The following LUC7L2 variants were observed in gnomAD, a reference collection of about 807,000 sequenced individuals.
LUC7L2 encodes the protein LUC7 like 2, pre-mRNA splicing factor.
LUC7L2 carries 25 observed loss-of-function variants against 52.8 expected under a neutral mutation model. The observed-to-expected ratio is 0.47, with a 90% CI of 0.34 to 0.66. The LOEUF (loss-of-function observed/expected upper bound fraction) is 0.66, where lower values mean the gene tolerates loss of function less well. Ranked by LOEUF, LUC7L2 falls within the 30% of genes least tolerant of loss-of-function variation. The pLI is 0.01. For synonymous variants in LUC7L2, 144 were observed against 160.9 expected, an observed-to-expected ratio of 0.89 and a Z score of 0.80; for missense variants, 328 against 497.8, an observed-to-expected ratio of 0.66 and a Z score of 3.25.
intron 1 of LUC7L2, chr7:139,374,304 T>G (rs2131210655): frequency 2.3e-6 from 2 of 873,096 alleles, no homozygotes; most frequent in East Asian, 5.4e-5. Context: ...AAAGAATCTT[T>G]ACAGTCAACA....
intron 1 of LUC7L2, chr7:139,341,642 G>T: frequency 6.8e-7 from 1 of 1,462,468 alleles, no homozygotes; most frequent in South Asian, 1.3e-5. Flanking sequence ...CTCCCACGGA[G>T]CCCTGGTTCT....
In LUC7L2 at chr7:139,422,267, G is replaced by A. The variant is rs778877438; in HGVS notation, c.1106G>A (p.Arg369Gln). 10 of 1,614,066 alleles carry A rather than the reference G, an allele frequency of 6.2e-6. No individual in the cohort carries two copies. The highest frequency in any genetic ancestry group is 2.7e-5 in the African/African-American group (2 of 74,932). ...PRDRDRKDKK[R>Q]SYESANGRSE... ...GACAGAGATCGGAAAGATAAGAAGC[G>A]GTCCTATGAGAGTGCTAATGGCAGA... The change falls in exon 10 of 10, where the codon CGG becomes CAG. Residue 369 changes from arginine to glutamine, a missense_variant. By Grantham distance (43) the Arg-to-Gln change is conservative (BLOSUM62 1). This residue lies in a region of LUC7L2 where 195 missense variants were observed against 223.3 expected (regional missense o/e 0.87). Coordinates refer to ENST00000354926, the MANE Select transcript of LUC7L2 (RefSeq NM_016019.5).
chr7:139,393,638 G>A (rs140475986), intron 2 of LUC7L2, among the ~76,000 whole-genome samples: 1,960 of 152,096 alleles, frequency 0.013, 46 homozygotes, highest in African/African-American at 0.045. Flanking sequence ...GTAGAGATGG[G>A]GTTTCACCGT....
In LUC7L2 at chr7:139,360,335, C is replaced by T. The variant is rs1799801745; in HGVS notation, c.61+13C>T. On this transcript the variant is annotated intron_variant, in intron 1 of 9. Transcript: ENST00000354926. ...ACCTCCCGGGACGGTAAGTCTCTGC[C>T]AGGGCCCTGGGGGTGGGGGAGGGGA... 6.4e-7 allele frequency: 1 copy of T among 1,558,604 alleles called. No individual in the cohort carries two copies. The highest frequency in any genetic ancestry group is 2.4e-5 in the East Asian group (1 of 41,472).
chr7:139,379,061 TGGTC>T (rs1393529396), intron 2 of LUC7L2, among the ~76,000 whole-genome samples: 1 of 152,226 alleles, frequency 6.6e-6, no homozygotes, highest in Non-Finnish European at 1.5e-5. Context: ...TTCACCATGT[TGGTC>T]GGGCTGGTCT....
intron 1 of LUC7L2, among the ~76,000 whole-genome samples, chr7:139,366,418 GCTGTT>G (rs1251977483): frequency 6.6e-6 from 1 of 152,096 alleles, no homozygotes; most frequent in Non-Finnish European, 1.5e-5. Context: ...AATATACCTG[GCTGTT>G]CTGTTCTGTA....
At chr7:139,353,493 A>C (rs1585065124) in intron 1 of LUC7L2, among the ~76,000 whole-genome samples, 2 of 152,338 alleles carry the variant, frequency 1.3e-5, no homozygotes, top group African/African-American at 2.4e-5. Flanking sequence ...AGACATAGAC[A>C]TACAGAGATT....
chr7:139,375,955 A>G (rs1800686049), intron 1 of LUC7L2, 107 bp from the exon 2 acceptor site: 1 of 1,122,712 alleles, frequency 8.9e-7, no homozygotes, highest in Non-Finnish European at 1.3e-6. Flanking sequence ...GAGCTGATTT[A>G]TAATGTGTGT....
chr7:139,385,048 TCTGG>T (rs1418458440), intron 2 of LUC7L2, among the ~76,000 whole-genome samples: 1 of 152,204 alleles, frequency 6.6e-6, no homozygotes, highest in Non-Finnish European at 1.5e-5. Flanking sequence ...AATATCTTAT[TCTGG>T]TTTAGTGTTT....
Position 139,405,756 on chromosome 7 carries a change from A to G in LUC7L2, c.479A>G (p.Glu160Gly). The stretch of plus-strand genomic sequence containing the variant: ...TCCCAGAAAGTAATGGATGAAGTAG[A>G]GAAAGCACGGGCAAAGAAAAGAGAA... ...EESQKVMDEV[E>G]KARAKKREAE... The change falls in exon 5 of 10, where the codon GAG becomes GGG. Residue 160 changes from glutamate to glycine, a missense_variant. Coordinates refer to ENST00000354926, the MANE Select transcript of LUC7L2 (RefSeq NM_016019.5). The G allele has an allele frequency of 6.2e-7, 1 of 1,610,946 alleles. No individual in the cohort carries two copies. Among genetic ancestry groups the G allele is most frequent in the Non-Finnish European group, 8.5e-7 (1 of 1,179,260 alleles).
chr7:139,406,061 G>GT (rs964772222), intron 5 of LUC7L2, among the ~76,000 whole-genome samples: 14 of 151,956 alleles, frequency 9.2e-5, no homozygotes, highest in African/African-American at 2.7e-4. Context: ...TCTTCTTTTT[G>GT]TTTTTTTGAG....
At chr7:139,340,755 C>T (rs1003390611) in intron 1 of LUC7L2, 2 of 372,778 alleles carry the variant, frequency 5.4e-6, no homozygotes, top group East Asian at 4.0e-5. Context: ...ATTGTGGGTT[C>T]GAGTCCCATC....
upstream of LUC7L2, chr7:139,359,687 G>A: frequency 2.5e-6 from 1 of 398,024 alleles, no homozygotes; most frequent in African/African-American, 2.1e-5. Flanking sequence ...TGTAAGGTTT[G>A]GCGCCTCGGG....
At chr7:139,368,505 A>C (rs1176435617) in intron 1 of LUC7L2, among the ~76,000 whole-genome samples, 1 of 152,134 alleles carries the variant, frequency 6.6e-6, no homozygotes, top group African/African-American at 2.4e-5. Flanking sequence ...TTGGGAGGCC[A>C]AGGTGGGTGG....
intron 1 of LUC7L2, chr7:139,341,672 C>T (rs1008896773): frequency 5.1e-6 from 7 of 1,369,318 alleles, no homozygotes; most frequent in South Asian, 1.5e-5. Flanking sequence ...AACCCAGGCC[C>T]TAGGCTCCAT....
chr7:139,367,243 A>G (rs1440630141), intron 1 of LUC7L2, among the ~76,000 whole-genome samples: 1 of 152,166 alleles, frequency 6.6e-6, no homozygotes, highest in Non-Finnish European at 1.5e-5. Context: ...AAGTGCTGGT[A>G]TTACAGGCGT....
In LUC7L2 at chr7:139,405,517, T is replaced by C. The variant is rs546662265; in HGVS notation, c.367-127T>C. 4 of 1,230,940 alleles carry C rather than the reference T, an allele frequency of 3.2e-6. No individual in the cohort carries two copies. In the South Asian group the frequency reaches 6.9e-5, roughly 21 times the overall value. 76.3% of individuals were successfully genotyped at this position (1,230,940 alleles called of 1,614,324 possible). On this transcript the variant is annotated intron_variant, in intron 4 of 9. Transcript: ENST00000354926. ...TCTCAGTAGTTCATTTGGGATACGC[T>C]CAGAAAGCATTCTTTAACCACATAC...
rs143085888 is a variant in LUC7L2, at chr7:139,380,514, C to T, written c.156+4358C>T. ...GCTCGGGAGGCTGAGGCAGGAGAAT[C>T]GCTCAAACCCTGGAGGTGGAGGTTG... On this transcript the variant is annotated intron_variant, in intron 2 of 9. Coordinates refer to ENST00000354926, the MANE Select transcript of LUC7L2 (RefSeq NM_016019.5). Among the ~76,000 whole-genome samples, 1,437 of 151,804 alleles carry T rather than the reference C, an allele frequency of 9.5e-3. 26 individuals carry two copies. The highest frequency in any genetic ancestry group is 0.033 in the African/African-American group (1,364 of 41,408).
chr7:139,355,059 C>G (rs1585066461), upstream of LUC7L2, among the ~76,000 whole-genome samples: 1 of 152,166 alleles, frequency 6.6e-6, no homozygotes, highest in East Asian at 1.9e-4. Flanking sequence ...CAGGGTTTCT[C>G]CATGTTGCCC....
Sources: gnomAD v4.1 joint callset for allele counts (sites outside exome capture counted in the v4.1 genomes callset) on GRCh38, gnomAD v4.1.1 for gene constraint, gnomAD v4.1.1 regional missense constraint, MANE v1.5 for transcripts, NCBI Gene and HGNC (gene_info 2026-07-23, HGNC 2026-07-21) for gene names.